BICC1: variants seen among roughly 807,000 people sequenced by gnomAD.
BICC1 encodes protein bicaudal C homolog 1.
In BICC1, 43 loss-of-function variants were observed where a neutral mutation model predicts 111.0. That is an observed-to-expected ratio of 0.39 (90% CI 0.30 to 0.50). The LOEUF is 0.50. Among genes scored for constraint, BICC1 ranks in the 20% least tolerant of loss-of-function variants. BICC1 has a pLI of 0.88. For synonymous variants in BICC1, 467 were observed against 434.4 expected, an observed-to-expected ratio of 1.07 and a Z score of -0.93; for missense variants, 1,091 against 1,203.2, an observed-to-expected ratio of 0.91 and a Z score of 1.38.
At position 58,676,952 on chromosome 10, in the gene BICC1, G is replaced by T. The variant is rs954620353; in HGVS notation, c.238-25122G>T. Among the ~76,000 whole-genome samples the T allele has an allele frequency of 2.6e-5, 4 of 152,212 alleles. No individual in the cohort carries two copies. In the East Asian group the frequency reaches 7.7e-4, roughly 29 times the overall value. On this transcript the variant is annotated intron_variant, in intron 2 of 20. Transcript: ENST00000373886. ...AGCAAACACCAGCAGGCCTGCAGAA[G>T]AGGGGCCTGACTATTAGAAGGAAAA...
chr10:58,639,713 G>A (rs980305219), intron 2 of BICC1, among the ~76,000 whole-genome samples: 3 of 130,394 alleles, frequency 2.3e-5, no homozygotes, highest in South Asian at 5.0e-4. Flanking sequence ...CACTGTGCCC[G>A]GCCAAATTTT....
At chr10:58,801,717 C>A (rs1001967417) in intron 14 of BICC1, among the ~76,000 whole-genome samples, 4 of 151,922 alleles carry the variant, frequency 2.6e-5, no homozygotes, top group Non-Finnish European at 5.9e-5. Flanking sequence ...TCTAGAGTGT[C>A]TTTATGCAAA....
chr10:58,786,420 T>C (rs1300498126), intron 4 of BICC1, among the ~76,000 whole-genome samples: 1 of 152,190 alleles, frequency 6.6e-6, no homozygotes, highest in Non-Finnish European at 1.5e-5. Context: ...TAAAGTTCAA[T>C]ATATAGTAAT....
chr10:58,681,395 CAT>C (rs1210020348), intron 2 of BICC1, among the ~76,000 whole-genome samples: 1 of 151,706 alleles, frequency 6.6e-6, no homozygotes, highest in Non-Finnish European at 1.5e-5. Flanking sequence ...GGCCAACAGA[CAT>C]ATGAAAAAAG....
chr10:58,581,443 A>C (rs1844277251), intron 1 of BICC1, among the ~76,000 whole-genome samples: 1 of 152,206 alleles, frequency 6.6e-6, no homozygotes, highest in Admixed American at 6.5e-5. Flanking sequence ...GACTTTTCAC[A>C]TGCCTCTGTT....
intron 1 of BICC1, among the ~76,000 whole-genome samples, chr10:58,618,781 A>C (rs1015634375): frequency 6.6e-6 from 1 of 152,244 alleles, no homozygotes; most frequent in African/African-American, 2.4e-5. Flanking sequence ...ACAGTGTAGT[A>C]GCTTAAAACA....
At chr10:58,553,753 A>G (rs1843364504) in intron 1 of BICC1, among the ~76,000 whole-genome samples, 1 of 151,758 alleles carries the variant, frequency 6.6e-6, no homozygotes, top group Non-Finnish European at 1.5e-5. Flanking sequence ...CTTTTTCTTT[A>G]ATGAACATCA....
chr10:58,779,289 A>G (rs1842825001), intron 3 of BICC1, among the ~76,000 whole-genome samples: 1 of 152,178 alleles, frequency 6.6e-6, no homozygotes, highest in Non-Finnish European at 1.5e-5. Context: ...TCGTCTTTGT[A>G]TGGGGTTGTC....
chr10:58,769,374 GTA>G (rs72069168), intron 3 of BICC1, among the ~76,000 whole-genome samples: 46,247 of 121,500 alleles, frequency 0.38, 8,320 homozygotes, highest in Admixed American at 0.54. Flanking sequence ...GTTTTATAAT[GTA>G]TGTGTGTGTG....
rs1843241091 is a variant in BICC1 at position 58,793,403 on chromosome 10, T to A, written c.1048-81T>A. On this transcript the variant is annotated intron_variant, in intron 8 of 20. Coordinates refer to ENST00000373886, the MANE Select transcript of BICC1 (RefSeq NM_001080512.3). ...TCTTTAAATCTGTAAAATAGTGCAT[T>A]ATTTGCAGGCATGTTAAATTATCAG... 5 of 1,297,698 alleles carry A rather than the reference T, an allele frequency of 3.9e-6. No individual in the cohort carries two copies. The East Asian group carries it at 1.2e-4, about 31-fold the overall frequency. The allele number at this position is 1,297,698 out of a possible 1,614,324, so 80.4% of individuals were successfully genotyped here.
chr10:58,789,987 G>A, intron 8 of BICC1, 54 bp downstream of exon 8: 1 of 1,583,100 alleles, frequency 6.3e-7, no homozygotes, highest in Non-Finnish European at 8.6e-7. Context: ...TGGATTCAGT[G>A]CATGTTTTTC....
At chr10:58,562,752 A>T (rs1219083162) in intron 1 of BICC1, among the ~76,000 whole-genome samples, 5 of 150,452 alleles carry the variant, frequency 3.3e-5, no homozygotes, top group African/African-American at 7.3e-5. Flanking sequence ...TGTAAGGATA[A>T]TTTTTTTTTT....
intron 3 of BICC1, among the ~76,000 whole-genome samples, chr10:58,712,085 A>T (rs1165653845): frequency 6.6e-6 from 1 of 152,240 alleles, no homozygotes; most frequent in Non-Finnish European, 1.5e-5. Context: ...ACAGATGGCA[A>T]ATAAGCATGT....
At chr10:58,760,594 G>T (rs1161156726) in intron 3 of BICC1, among the ~76,000 whole-genome samples, 4 of 152,036 alleles carry the variant, frequency 2.6e-5, no homozygotes, top group Admixed American at 6.5e-5. Context: ...TACCATTAAA[G>T]AATAATTTTC....
At chr10:58,539,101 G>A (rs1043971702) in intron 1 of BICC1, among the ~76,000 whole-genome samples, 6 of 151,644 alleles carry the variant, frequency 4.0e-5, no homozygotes, top group African/African-American at 1.5e-4. Context: ...ATTTATCACA[G>A]CACAGTTCAC....
At chr10:58,758,673 C>T (rs1478092641) in intron 3 of BICC1, among the ~76,000 whole-genome samples, 1 of 152,178 alleles carries the variant, frequency 6.6e-6, no homozygotes, top group African/African-American at 2.4e-5. Context: ...TCAGACATTT[C>T]TTCTCATCAT....
intron 2 of BICC1, among the ~76,000 whole-genome samples, chr10:58,635,219 G>A (rs1038729133): frequency 2.6e-5 from 4 of 152,298 alleles, no homozygotes; most frequent in East Asian, 1.9e-4. Flanking sequence ...GGTAAGATAA[G>A]TTTGAGAAAT....
At chr10:58,692,026 ATAC>A (rs1426705716) in intron 2 of BICC1, among the ~76,000 whole-genome samples, 1 of 152,146 alleles carries the variant, frequency 6.6e-6, no homozygotes, top group Non-Finnish European at 1.5e-5. Context: ...TACTCTAATG[ATAC>A]TTATTGAGAT....
At chr10:58,710,522 C>T (rs957648035) in intron 3 of BICC1, among the ~76,000 whole-genome samples, 4 of 152,044 alleles carry the variant, frequency 2.6e-5, no homozygotes, top group East Asian at 1.9e-4. Context: ...TAGATTTTAC[C>T]GTTTAAAAAG....
Sources: allele counts gnomAD v4.1 joint callset (sites outside exome capture counted in the v4.1 genomes callset), GRCh38; gene constraint gnomAD v4.1.1; transcripts MANE v1.5; gene names NCBI Gene and HGNC (gene_info 2026-07-23, HGNC 2026-07-21).